Variants in GPAM observed in about 807,000 individuals in gnomAD.
GPAM encodes glycerol-3-phosphate acyltransferase 1, mitochondrial.
GPAM carries 56 observed loss-of-function variants against 105.0 expected under a neutral mutation model. That is an observed-to-expected ratio of 0.53 (90% CI 0.43 to 0.67). The LOEUF is 0.67. GPAM is among the 30% of genes least tolerant of loss of function. The probability of loss-of-function intolerance (pLI) is 0.00; values close to 1 mark genes in which losing one functional copy is unlikely to be tolerated. For synonymous variants in GPAM, 368 were observed against 354.4 expected (o/e 1.04, Z -0.43); for missense variants, 855 against 989.8 (o/e 0.86, Z 1.83).
At position 112,196,421 on chromosome 10, in the gene GPAM, T is replaced by C. The variant is rs548432202; in HGVS notation, n.211-13530A>G. 4.6e-5 allele frequency among the ~76,000 whole-genome samples: 7 copies of C among 152,316 alleles called. No individual in the cohort carries two copies. The South Asian group carries it at 1.4e-3, about 32-fold the overall frequency. On this transcript the variant is annotated intron_variant and non_coding_transcript_variant, in intron 1 of 3. Coordinates refer to the GPAM transcript ENST00000480130. ...AACACTTCTAAAGAAATTTGACATA[T>C]AAAAGCTCAAATATTTTCCTTTGGA...
the GPAM span, among the ~76,000 whole-genome samples, chr10:112,225,614 A>G: frequency 6.6e-6 from 1 of 152,136 alleles, no homozygotes; most frequent in Non-Finnish European, 1.5e-5. Context: ...TCTGCTACAC[A>G]GCAGTTCACA....
At chr10:112,222,399 C>T in the GPAM span, among the ~76,000 whole-genome samples, 1 of 152,172 alleles carries the variant, frequency 6.6e-6, no homozygotes, top group Non-Finnish European at 1.5e-5. Context: ...TAAAATGACT[C>T]ATCAATGCCT....
At chr10:112,184,771 G>T (rs1847571791), upstream of GPAM, among the ~76,000 whole-genome samples, 1 of 152,148 alleles carries the variant, frequency 6.6e-6, no homozygotes, top group Non-Finnish European at 1.5e-5. Context: ...GGAGAGCAGG[G>T]AGGCCAAAGC....
At chr10:112,157,175 C>T (rs1449237885) in intron 19 of GPAM, 74 bp downstream of exon 19, 1 of 1,283,148 alleles carries the variant, frequency 7.8e-7, no homozygotes, top group African/African-American at 1.5e-5. Flanking sequence ...ATCACCAGGA[C>T]TCCAGCTGAT....
In GPAM at chr10:112,160,712, T is replaced by G; in HGVS notation, c.1651A>C (p.Arg551=). ...GNCVTITHTS[R]NDEFFITPST... is the part of the protein sequence containing the mutation. ...GGGGTGATAAAAAACTCATCGTTCC[T>G]GCTAGTGTGGGTGATTGTGACACAA... Residue 551 remains arginine (R), a synonymous_variant, in exon 16 of 22, where the codon AGG becomes CGG. Coordinates refer to ENST00000348367, the MANE Select transcript of GPAM (RefSeq NM_001244949.2). The G allele has an allele frequency of 6.2e-7, 1 of 1,614,046 alleles. No homozygotes were observed. Among genetic ancestry groups the G allele is most frequent in the East Asian group, 2.2e-5 (1 of 44,870 alleles).
At chr10:112,212,212 T>A (rs752653732) in intron 1 of GPAM, among the ~76,000 whole-genome samples, 3 of 152,112 alleles carry the variant, frequency 2.0e-5, no homozygotes, top group Non-Finnish European at 4.4e-5. Context: ...CAGACAGGAA[T>A]ATCTGTCTGA....
rs549392083 is a variant in GPAM, at chr10:112,161,685, G to A, written c.1476C>T (p.Leu492=). ...IMSTHIVACL[L]LYRHRQGIDL... is the part of the protein sequence containing the mutation. ...GACATACCTGCCTGTGTCTGTAGAG[G>A]AGCAGGCAAGCCACAATGTGTGTGG... Residue 492 remains leucine, a synonymous_variant, in exon 15 of 22, where the codon CTC becomes CTT. Transcript: ENST00000348367. The A allele has an allele frequency of 1.1e-4, 177 of 1,613,018 alleles. No individual in the cohort carries two copies. The highest frequency in any genetic ancestry group is 1.4e-4 in the Non-Finnish European group (162 of 1,179,234).
Position 112,170,853 on chromosome 10 carries a change from CT to C in GPAM, c.794+1328del, listed in dbSNP as rs764677552. On this transcript the variant is annotated intron_variant, in intron 9 of 21. Coordinates refer to ENST00000348367, the MANE Select transcript of GPAM (RefSeq NM_001244949.2). The stretch of plus-strand genomic sequence containing the variant: ...CTAAAGCACAGCTGGATAAATATCA[CT>C]GACTGCATGAATCCATGGCTTCTCT... Among the ~76,000 whole-genome samples, 13 of 152,338 alleles carry C rather than the reference CT, an allele frequency of 8.5e-5. No homozygotes were observed. The East Asian group carries it at 1.9e-3, about 23-fold the overall frequency.
upstream of GPAM, among the ~76,000 whole-genome samples, chr10:112,186,441 A>G (rs1393484936): frequency 6.6e-6 from 1 of 152,076 alleles, no homozygotes; most frequent in African/African-American, 2.4e-5. Context: ...ATGCTGTCAG[A>G]TGGAATTCTG....
intron 17 of GPAM, 152 bp from the exon 18 acceptor site, chr10:112,158,545 G>A: frequency 4.5e-6 from 3 of 672,698 alleles, no homozygotes; most frequent in Non-Finnish European, 8.1e-6. Context: ...AGTGCCCACT[G>A]TCTTGATACA....
intron 14 of GPAM, among the ~76,000 whole-genome samples, chr10:112,162,971 C>G (rs1344965239): frequency 6.6e-6 from 1 of 152,082 alleles, no homozygotes; most frequent in Non-Finnish European, 1.5e-5. Flanking sequence ...GGGAGGAAGA[C>G]CTCCCCAGTA....
At position 112,152,202 on chromosome 10, in the gene GPAM, A is replaced by G. The variant is rs774800763; in HGVS notation, c.*1348T>C. 118 of 976,630 alleles carry G rather than the reference A, an allele frequency of 1.2e-4. No individual in the cohort carries two copies. Among genetic ancestry groups the G allele is most frequent in the Non-Finnish European group, 1.4e-4 (117 of 822,080 alleles). 60.5% of individuals were successfully genotyped at this position (976,630 alleles called of 1,614,324 possible). A position where few individuals can be genotyped will look rare whatever the true frequency, so the allele number is the denominator to read the frequency against. ...CTGGAAAAATTCTTAATTCCATAAT[A>G]TCTTGGAGATAAGCAACAGTAAACT... On this transcript the variant is annotated 3_prime_UTR_variant, in exon 22 of 22. Transcript: ENST00000348367.
upstream of GPAM, among the ~76,000 whole-genome samples, chr10:112,184,667 A>G (rs1308171425): frequency 6.6e-6 from 1 of 152,210 alleles, no homozygotes; most frequent in East Asian, 1.9e-4. Flanking sequence ...AGGGAAAACA[A>G]ATGAGGTGAG....
upstream of GPAM, among the ~76,000 whole-genome samples, chr10:112,220,004 G>T (rs1848003690): frequency 6.6e-6 from 1 of 152,142 alleles, no homozygotes; most frequent in Non-Finnish European, 1.5e-5. Flanking sequence ...CACAAGATTT[G>T]CCACTTTTCC....
At position 112,177,968 on chromosome 10, in the gene GPAM, A is replaced by G; in HGVS notation, c.299+16T>C. On this transcript the variant is annotated intron_variant, in intron 5 of 21. Transcript: ENST00000348367. Reference sequence around the variant, plus strand: ...TCTTTTGAGATGTATTAAAAACATAAGAAATTTCTTTTTACCTTGTGTGAG... The same window carrying G: ...TCTTTTGAGATGTATTAAAAACATAGGAAATTTCTTTTTACCTTGTGTGAG... The G allele has an allele frequency of 7.1e-7, 1 of 1,416,074 alleles. No homozygotes were observed. The highest frequency in any genetic ancestry group is 1.0e-6 in the Non-Finnish European group (1 of 1,000,480). The allele number at this position is 1,416,074 out of a possible 1,614,324, so 87.7% of individuals were successfully genotyped here. A position where few individuals can be genotyped will look rare whatever the true frequency, so the allele number is the denominator to read the frequency against.
At chr10:112,157,144 G>T in intron 19 of GPAM, 105 bp downstream of exon 19, 1 of 1,003,580 alleles carries the variant, frequency 1.0e-6, no homozygotes. Flanking sequence ...GCTAGTTGGG[G>T]GATTCTTTAG....
intron 19 of GPAM, chr10:112,156,869 A>G: frequency 3.0e-6 from 1 of 332,540 alleles, no homozygotes; most frequent in South Asian, 6.9e-5. Flanking sequence ...AGAGCTTAAT[A>G]TATGAAATTT....
At chr10:112,227,377 T>C in the GPAM span, among the ~76,000 whole-genome samples, 1 of 152,214 alleles carries the variant, frequency 6.6e-6, no homozygotes, top group Non-Finnish European at 1.5e-5. Context: ...CACTGTTCTG[T>C]TCTTTCCAAT....
chr10:112,161,803 A>G (rs1847129777), intron 14 of GPAM, 66 bp from the exon 15 acceptor site: 1 of 1,192,698 alleles, frequency 8.4e-7, no homozygotes, highest in South Asian at 1.2e-5. Flanking sequence ...CTTTTTTGAA[A>G]TACCTAAATT....
Sources: gnomAD v4.1 joint callset for allele counts (sites outside exome capture counted in the v4.1 genomes callset) on GRCh38, gnomAD v4.1.1 for gene constraint, MANE v1.5 for transcripts, NCBI Gene and HGNC (gene_info 2026-07-23, HGNC 2026-07-21) for gene names.